The following CALCR variants were observed in gnomAD, a reference collection of about 807,000 sequenced individuals.
CALCR encodes calcitonin receptor.
Under a neutral mutation model 59.5 loss-of-function variants are expected in CALCR, and 47 were observed. That is an observed-to-expected ratio of 0.79 (90% CI 0.63 to 1.01). The LOEUF is 1.01. Ranked by LOEUF, CALCR falls within the 50% of genes least tolerant of loss-of-function variation. CALCR has a pLI of 0.00. For synonymous variants in CALCR, 213 were observed against 211.3 expected (o/e 1.01, Z -0.07); for missense variants, 566 against 597.1 (o/e 0.95, Z 0.54).
intron 2 of CALCR, among the ~76,000 whole-genome samples, chr7:93,520,881 T>C (rs1031621976): frequency 2.0e-5 from 3 of 152,162 alleles, no homozygotes; most frequent in Non-Finnish European, 4.4e-5. Flanking sequence ...ATTTATACTT[T>C]TTATAGGGCC....
intron 2 of CALCR, among the ~76,000 whole-genome samples, chr7:93,541,774 C>G (rs1372490252): frequency 6.6e-6 from 1 of 152,174 alleles, no homozygotes; most frequent in East Asian, 1.9e-4. Context: ...TGGAACTATT[C>G]ACCCTTCTTA....
At chr7:93,508,223 T>C (rs921730435) in intron 2 of CALCR, among the ~76,000 whole-genome samples, 3 of 152,270 alleles carry the variant, frequency 2.0e-5, no homozygotes, top group East Asian at 1.9e-4. Flanking sequence ...AATGTATATA[T>C]TGGATATTTT....
chr7:93,440,720 G>A (rs1799883910), intron 9 of CALCR, among the ~76,000 whole-genome samples: 2 of 151,918 alleles, frequency 1.3e-5, no homozygotes, highest in Non-Finnish European at 2.9e-5. Context: ...AGAACAATTA[G>A]CATCAGGTCT....
intron 2 of CALCR, among the ~76,000 whole-genome samples, chr7:93,506,385 T>C (rs1331290353): frequency 5.9e-5 from 9 of 152,124 alleles, no homozygotes; most frequent in African/African-American, 2.2e-4. Context: ...TGCAGGTGTG[T>C]TTCTCATTTG....
chr7:93,443,911 CA>C (rs1799962144), intron 8 of CALCR, among the ~76,000 whole-genome samples, 154 bp from the exon 9 acceptor site: 1 of 152,144 alleles, frequency 6.6e-6, no homozygotes, highest in Non-Finnish European at 1.5e-5. Context: ...GCTATACCCA[CA>C]AATCAGAGTG....
intron 8 of CALCR, among the ~76,000 whole-genome samples, chr7:93,454,953 TGTG>T (rs1800181221): frequency 1.3e-5 from 2 of 151,588 alleles, no homozygotes; most frequent in Non-Finnish European, 2.9e-5. Context: ...TGTGTGTGTG[TGTG>T]TTTTCCTTAC....
chr7:93,460,561 A>G (rs1312580650), intron 8 of CALCR, among the ~76,000 whole-genome samples: 17 of 95,682 alleles, frequency 1.8e-4, no homozygotes, highest in African/African-American at 9.0e-4. Flanking sequence ...ATCTAAAAAA[A>G]AAAAAAAAAA....
chr7:93,522,011 G>GT (rs1554404709), intron 2 of CALCR, among the ~76,000 whole-genome samples: 1 of 151,712 alleles, frequency 6.6e-6, no homozygotes, highest in Non-Finnish European at 1.5e-5. Flanking sequence ...ATTTTGTTTT[G>GT]TTTTTTTGAA....
chr7:93,547,634 G>A (rs573277868), intron 2 of CALCR, among the ~76,000 whole-genome samples: 131 of 152,264 alleles, frequency 8.6e-4, no homozygotes, highest in Non-Finnish European at 1.3e-3. Flanking sequence ...CAACCATGTG[G>A]GGTTTGAATT....
intron 13 of CALCR, among the ~76,000 whole-genome samples, chr7:93,427,914 C>T (rs930667588): frequency 3.9e-5 from 6 of 152,034 alleles, no homozygotes; most frequent in East Asian, 1.9e-4. Flanking sequence ...CCGTAAGGTT[C>T]GAGGTGACAA....
intron 2 of CALCR, among the ~76,000 whole-genome samples, chr7:93,550,129 A>T (rs1443803622): frequency 6.6e-6 from 1 of 152,152 alleles, no homozygotes; most frequent in Non-Finnish European, 1.5e-5. Flanking sequence ...ACTTGGTTAG[A>T]CAGCATTTAC....
At chr7:93,524,818 T>A (rs991897677) in intron 2 of CALCR, among the ~76,000 whole-genome samples, 5 of 152,170 alleles carry the variant, frequency 3.3e-5, no homozygotes, top group Non-Finnish European at 7.3e-5. Flanking sequence ...CCAAAGATAC[T>A]TATCATAAAG....
chr7:93,560,920 A>G (rs576661732), intron 2 of CALCR, among the ~76,000 whole-genome samples: 3 of 152,292 alleles, frequency 2.0e-5, no homozygotes, highest in East Asian at 3.9e-4. Flanking sequence ...AGTTTTCTCA[A>G]TTGTAAAATG....
At chr7:93,458,025 G>A (rs887254274) in intron 8 of CALCR, among the ~76,000 whole-genome samples, 1 of 152,014 alleles carries the variant, frequency 6.6e-6, no homozygotes, top group African/African-American at 2.4e-5. Flanking sequence ...CCATTGCTCG[G>A]ATATTGCAAA....
At chr7:93,526,423 C>T (rs1801878544) in intron 2 of CALCR, among the ~76,000 whole-genome samples, 1 of 151,048 alleles carries the variant, frequency 6.6e-6, no homozygotes, top group Non-Finnish European at 1.5e-5. Flanking sequence ...ATTACCAATA[C>T]TGACTCAAAC....
intron 2 of CALCR, among the ~76,000 whole-genome samples, chr7:93,498,752 T>C (rs993925678): frequency 7.9e-5 from 12 of 151,690 alleles, no homozygotes; most frequent in African/African-American, 2.9e-4. Flanking sequence ...TCACTACATA[T>C]AGACTGTCAT....
At chr7:93,540,074 C>A (rs1206531380) in intron 2 of CALCR, among the ~76,000 whole-genome samples, 2 of 152,164 alleles carry the variant, frequency 1.3e-5, no homozygotes, top group African/African-American at 2.4e-5. Context: ...AGATTCTGTT[C>A]GCTGCCCTAG....
In CALCR at chr7:93,426,520, G is replaced by C; in HGVS notation, c.1261C>G (p.Pro421Ala). 6.2e-7 allele frequency: 1 copy of C among 1,613,740 alleles called. No homozygotes were observed. The highest frequency in any genetic ancestry group is 8.5e-7 in the Non-Finnish European group (1 of 1,179,654). The change falls in exon 14 of 14, where the codon CCC becomes GCC. Residue 421 changes from proline to alanine, a missense_variant. Coordinates refer to ENST00000426151, the MANE Select transcript of CALCR (RefSeq NM_001742.4). ...GCAGCGCGAGCAGAGCGGTTGGAGG[G>C]GCGCCTCCCCCAACGCTGGTTCCAC... Reference protein sequence around the residue: ...IQWNQRWGRRPSNRSARAAAA... With the variant: ...IQWNQRWGRRASNRSARAAAA...
intron 2 of CALCR, among the ~76,000 whole-genome samples, chr7:93,571,065 T>C (rs983588348): frequency 2.6e-5 from 4 of 152,216 alleles, no homozygotes; most frequent in African/African-American, 9.6e-5. Flanking sequence ...CAGAAACATA[T>C]GTTAATATGA....
Sources: gnomAD v4.1 joint callset for allele counts (sites outside exome capture counted in the v4.1 genomes callset) on GRCh38, gnomAD v4.1.1 for gene constraint, MANE v1.5 for transcripts, NCBI Gene and HGNC (gene_info 2026-07-23, HGNC 2026-07-21) for gene names.